The following RTN1 variants were observed in gnomAD, a reference collection of about 807,000 sequenced individuals.
RTN1 encodes the protein reticulon 1.
Under a neutral mutation model 65.5 loss-of-function variants are expected in RTN1, and 25 were observed. The observed-to-expected ratio is 0.38, with a 90% confidence interval of 0.28 to 0.53. RTN1 has a LOEUF of 0.53. RTN1 is among the 20% of genes least tolerant of loss of function. The probability of loss-of-function intolerance (pLI) is 0.79; values close to 1 mark genes in which losing one functional copy is unlikely to be tolerated. For synonymous variants in RTN1, 471 were observed against 447.6 expected (o/e 1.05, Z -0.66); for missense variants, 983 against 1,025.4 (o/e 0.96, Z 0.57).
At chr14:59,704,689 A>G (rs1884253356) in intron 3 of RTN1, among the ~76,000 whole-genome samples, 1 of 152,202 alleles carries the variant, frequency 6.6e-6, no homozygotes, top group African/African-American at 2.4e-5. Flanking sequence ...AGTCACTGAG[A>G]GAGCAGAGAG....
At chr14:59,625,429 T>TTTATCAAAC (rs1882369063) in intron 3 of RTN1, among the ~76,000 whole-genome samples, 1 of 152,240 alleles carries the variant, frequency 6.6e-6, no homozygotes, top group South Asian at 2.1e-4. Context: ...GTTTATCTAG[T>TTTATCAAAC]CTTTTTCTCA....
intron 1 of RTN1, among the ~76,000 whole-genome samples, chr14:59,769,139 A>T (rs529290036): frequency 5.4e-4 from 83 of 152,308 alleles, no homozygotes; most frequent in African/African-American, 1.6e-3. Flanking sequence ...CTTGATTTTT[A>T]AAAAAGTGTT....
At chr14:59,811,331 G>C (rs1303569207) in intron 1 of RTN1, among the ~76,000 whole-genome samples, 1 of 152,158 alleles carries the variant, frequency 6.6e-6, no homozygotes, top group Non-Finnish European at 1.5e-5. Context: ...ACCCCAAAAT[G>C]AACTGACACT....
At chr14:59,729,245 A>C (rs1274222088) in intron 2 of RTN1, among the ~76,000 whole-genome samples, 1 of 152,188 alleles carries the variant, frequency 6.6e-6, no homozygotes, top group Non-Finnish European at 1.5e-5. Context: ...GGGCAAAGTG[A>C]ATAAGTTGGG....
intron 3 of RTN1, among the ~76,000 whole-genome samples, chr14:59,670,569 G>C (rs1259018216): frequency 6.6e-6 from 1 of 152,156 alleles, no homozygotes; most frequent in Admixed American, 6.5e-5. Flanking sequence ...AATATATTCA[G>C]AAAAACTCAC....
intron 3 of RTN1, among the ~76,000 whole-genome samples, chr14:59,721,801 C>G (rs1332638025): frequency 1.3e-5 from 2 of 152,226 alleles, no homozygotes; most frequent in Non-Finnish European, 2.9e-5. Context: ...TGCAAGACTT[C>G]TACTGAAGTA....
chr14:59,851,010 T>C (rs1302709207), intron 1 of RTN1, among the ~76,000 whole-genome samples: 3 of 152,174 alleles, frequency 2.0e-5, no homozygotes, highest in Admixed American at 1.3e-4. Flanking sequence ...CTACTGATTG[T>C]TTTCCCCCTG....
rs533682070 is a variant in RTN1 at position 59,814,794 on chromosome 14, T to C, written c.241+55596A>G. 9.8e-5 allele frequency among the ~76,000 whole-genome samples: 15 copies of C among 152,348 alleles called. No individual in the cohort carries two copies. The East Asian group carries it at 2.9e-3, about 29-fold the overall frequency. On this transcript the variant is annotated intron_variant, in intron 1 of 8. Coordinates refer to ENST00000267484, the MANE Select transcript of RTN1 (RefSeq NM_021136.3). ...AGGAAATGTACACAGAATGTATAAATGTTCACAGCTGAGGAGGACAGCCAA... is the reference window on the plus strand; with the variant it reads ...AGGAAATGTACACAGAATGTATAAACGTTCACAGCTGAGGAGGACAGCCAA...
intron 3 of RTN1, among the ~76,000 whole-genome samples, chr14:59,647,752 C>T (rs1242093682): frequency 6.6e-6 from 1 of 152,096 alleles, no homozygotes; most frequent in East Asian, 1.9e-4. Context: ...AACAAAGATA[C>T]AACATACCAG....
intron 3 of RTN1, among the ~76,000 whole-genome samples, chr14:59,613,527 T>C (rs1356315393): frequency 6.6e-6 from 1 of 152,156 alleles, no homozygotes; most frequent in East Asian, 1.9e-4. Context: ...CTTGAACTCC[T>C]GATCCTGTGA....
intron 3 of RTN1, among the ~76,000 whole-genome samples, chr14:59,692,439 T>A (rs1307304354): frequency 1.3e-5 from 2 of 152,140 alleles, no homozygotes; most frequent in African/African-American, 2.4e-5. Context: ...GAAAAGTATT[T>A]CATGCTCATG....
At chr14:59,685,023 A>C (rs1213356209) in intron 3 of RTN1, among the ~76,000 whole-genome samples, 1 of 152,220 alleles carries the variant, frequency 6.6e-6, no homozygotes. Context: ...ACGGTTCAAC[A>C]TATGCAAATC....
At chr14:59,687,755 A>G (rs1162368510) in intron 3 of RTN1, among the ~76,000 whole-genome samples, 2 of 151,846 alleles carry the variant, frequency 1.3e-5, no homozygotes, top group Non-Finnish European at 2.9e-5. Flanking sequence ...TCCTATACAG[A>G]GATCCTGGTA....
chr14:59,641,626 C>G (rs1438989310), intron 3 of RTN1, among the ~76,000 whole-genome samples: 1 of 152,204 alleles, frequency 6.6e-6, no homozygotes, highest in South Asian at 2.1e-4. Context: ...CCGCCTTGGC[C>G]TCCCAAAGTG....
At position 59,774,092 on chromosome 14, in the gene RTN1, T is replaced by C. The variant is rs778149236; in HGVS notation, c.242-27611A>G. 2.6e-5 allele frequency among the ~76,000 whole-genome samples: 4 copies of C among 152,190 alleles called. No homozygotes were observed. Among genetic ancestry groups the C allele is most frequent in the Non-Finnish European group, 5.9e-5 (4 of 68,026 alleles). On this transcript the variant is annotated intron_variant, in intron 1 of 8. Coordinates refer to ENST00000267484, the MANE Select transcript of RTN1 (RefSeq NM_021136.3). The surrounding 1 kb of genome is among the most constrained non-coding windows in gnomAD (Gnocchi z 5.1). ...TACAAATTTGGGCAAGTATCCACAT[T>C]ATGGTAAAGAGTGTCTGTAGTGGAC...
chr14:59,757,380 T>G (rs1351097173), intron 1 of RTN1, among the ~76,000 whole-genome samples: 3 of 152,198 alleles, frequency 2.0e-5, no homozygotes, highest in African/African-American at 7.2e-5. Context: ...TGAGATCTGA[T>G]GGTTTTATAA....
At chr14:59,691,814 A>C (rs1883967657) in intron 3 of RTN1, among the ~76,000 whole-genome samples, 1 of 152,220 alleles carries the variant, frequency 6.6e-6, no homozygotes, top group South Asian at 2.1e-4. Flanking sequence ...CACTACATAA[A>C]CAGAATTAAA....
intron 2 of RTN1, among the ~76,000 whole-genome samples, chr14:59,733,225 G>A (rs1055198908): frequency 5.3e-5 from 8 of 152,020 alleles, no homozygotes; most frequent in Non-Finnish European, 8.8e-5. Context: ...CAGAGTAGCT[G>A]GGATTACAGG....
chr14:59,703,471 T>C (rs1227380090), intron 3 of RTN1, among the ~76,000 whole-genome samples: 1 of 152,206 alleles, frequency 6.6e-6, no homozygotes, highest in Non-Finnish European at 1.5e-5. Context: ...CCGTCCTTCA[T>C]CTTCTGATTG....
Sources: allele counts gnomAD v4.1 joint callset (sites outside exome capture counted in the v4.1 genomes callset), GRCh38; gene constraint gnomAD v4.1.1; non-coding constraint Gnocchi (gnomAD v3.1); transcripts MANE v1.5; gene names NCBI Gene and HGNC (gene_info 2026-07-23, HGNC 2026-07-21).